TBCD: variants seen among roughly 807,000 people sequenced by gnomAD.
The protein encoded by TBCD is tubulin-specific chaperone D.
TBCD carries 105 observed loss-of-function variants against 169.3 expected under a neutral mutation model. The ratio of observed to expected loss-of-function variants is 0.62; its 90% CI spans 0.53 to 0.73. The LOEUF (loss-of-function observed/expected upper bound fraction) is 0.73. Among genes scored for constraint, TBCD ranks in the 30% least tolerant of loss-of-function variants. The pLI is 0.00. For synonymous variants in TBCD, 700 were observed against 643.9 expected (o/e 1.09, Z -1.32); for missense variants, 1,444 against 1,600.1 (o/e 0.90, Z 1.66).
chr17:82,898,739 G>A lies in TBCD; in HGVS notation c.1650-1912G>A, dbSNP rs150493600. On this transcript the variant is annotated intron_variant, in intron 17 of 38. Coordinates refer to ENST00000355528, the MANE Select transcript of TBCD (RefSeq NM_005993.5). ...GGATCGATTTCTTCTGTGGCTCTGG[G>A]TTTCGAGTCATAATTAGAAAGGCAT... Among the ~76,000 whole-genome samples, 210 of 152,288 alleles carry A rather than the reference G, an allele frequency of 1.4e-3. No individual in the cohort carries two copies. In the Middle Eastern group the frequency reaches 0.024, roughly 17 times the overall value.
chr17:82,896,200 C>T (rs1447114132), intron 17 of TBCD, among the ~76,000 whole-genome samples: 1 of 152,168 alleles, frequency 6.6e-6, no homozygotes, highest in Non-Finnish European at 1.5e-5. Flanking sequence ...GCACTCTCCT[C>T]ACTCACACTG....
intron 6 of TBCD, among the ~76,000 whole-genome samples, chr17:82,777,921 G>A (rs1368404044): frequency 6.6e-6 from 1 of 152,158 alleles, no homozygotes. Context: ...GCTAGACCAC[G>A]GTCCGCTTGT....
chr17:82,779,733 G>A (rs1019292366), intron 6 of TBCD, among the ~76,000 whole-genome samples: 2 of 152,246 alleles, frequency 1.3e-5, no homozygotes, highest in Non-Finnish European at 2.9e-5. Flanking sequence ...GGCCGGGAAG[G>A]TGGGATGGCC....
Position 82,942,358 on chromosome 17 carries a change from C to G in TBCD, c.3565-91C>G, listed in dbSNP as rs374852518. 6.3e-6 allele frequency: 10 copies of G among 1,582,804 alleles called. No homozygotes were observed. The African/African-American group carries it at 1.2e-4, about 19-fold the overall frequency. On this transcript the variant is annotated intron_variant, in intron 38 of 38. Coordinates refer to ENST00000355528, the MANE Select transcript of TBCD (RefSeq NM_005993.5). ...TTTCCTGCAGGAACCGTGTCAGTCC[C>G]CACACAGGGCCCAGAGGGGTGAGGG... is the stretch of plus-strand genomic sequence containing the variant.
At chr17:82,771,770 G>A in intron 5 of TBCD, among the ~76,000 whole-genome samples, 1 of 152,070 alleles carries the variant, frequency 6.6e-6, no homozygotes. Context: ...GACAGAGCGA[G>A]ACCCGGTCTC....
chr17:82,941,566 T>C, intron 38 of TBCD, 83 bp downstream of exon 38: 2 of 1,278,142 alleles, frequency 1.6e-6, no homozygotes, highest in Non-Finnish European at 2.2e-6. Flanking sequence ...TGTGCTTAGC[T>C]TCTGCCAGCA....
intron 14 of TBCD, among the ~76,000 whole-genome samples, chr17:82,876,024 G>A (rs1020578643): frequency 1.3e-5 from 2 of 152,152 alleles, no homozygotes; most frequent in African/African-American, 2.4e-5. Context: ...TTTTTTAAAT[G>A]TCTGACTTTC....
At chr17:82,758,833 G>A (rs1005253177) in intron 2 of TBCD, among the ~76,000 whole-genome samples, 1 of 150,882 alleles carries the variant, frequency 6.6e-6, no homozygotes, top group Admixed American at 6.6e-5. Context: ...CTAATTTTTT[G>A]CATTTTTAGT....
intron 7 of TBCD, among the ~76,000 whole-genome samples, chr17:82,791,180 C>G (rs1183430350): frequency 6.6e-6 from 1 of 151,494 alleles, no homozygotes; most frequent in Non-Finnish European, 1.5e-5. Context: ...CAAGCTCCGC[C>G]TCCCGGGTTC....
intron 26 of TBCD, among the ~76,000 whole-genome samples, chr17:82,924,229 C>T (rs1466941481): frequency 2.0e-5 from 3 of 152,208 alleles, no homozygotes; most frequent in Admixed American, 1.3e-4. Flanking sequence ...TCTGGGATTA[C>T]AGGTGTGAGC....
At chr17:82,868,558 A>T (rs968721159) in intron 13 of TBCD, among the ~76,000 whole-genome samples, 7 of 152,218 alleles carry the variant, frequency 4.6e-5, no homozygotes, top group Admixed American at 4.6e-4. Context: ...TAAGTGTATA[A>T]ACGTAATAAT....
intron 35 of TBCD, 85 bp from the exon 36 acceptor site, chr17:82,937,964 C>T (rs754576516): frequency 1.3e-5 from 21 of 1,574,962 alleles, no homozygotes; most frequent in Non-Finnish European, 1.8e-5. Context: ...GCCCAGGTCT[C>T]TGCATGGGCC....
chr17:82,763,885 A>T, intron 2 of TBCD, 80 bp from the exon 3 acceptor site: 2 of 1,203,410 alleles, frequency 1.7e-6, no homozygotes, highest in East Asian at 2.4e-5. Flanking sequence ...GAAAACAGGC[A>T]TGAGCCACCA....
intron 7 of TBCD, among the ~76,000 whole-genome samples, chr17:82,791,815 C>T (rs1000676343): frequency 1.3e-5 from 2 of 152,154 alleles, no homozygotes; most frequent in African/African-American, 4.8e-5. Context: ...GTCGTGTGAA[C>T]ACCGTAGCGT....
intron 1 of TBCD, among the ~76,000 whole-genome samples, chr17:82,755,700 A>AG (rs1304956929): frequency 6.6e-6 from 1 of 152,084 alleles, no homozygotes; most frequent in Non-Finnish European, 1.5e-5. Context: ...GGCCAAGAGG[A>AG]GGGGTCTGTT....
At chr17:82,842,979 A>G (rs901934960) in intron 13 of TBCD, among the ~76,000 whole-genome samples, 2 of 151,402 alleles carry the variant, frequency 1.3e-5, no homozygotes, top group African/African-American at 4.9e-5. Context: ...ACGGGGTTTC[A>G]CCGTGTTAGC....
At chr17:82,856,091 G>A (rs1013690242) in intron 13 of TBCD, among the ~76,000 whole-genome samples, 9 of 135,262 alleles carry the variant, frequency 6.7e-5, no homozygotes, top group Admixed American at 8.4e-5. Context: ...TCTCATCTTG[G>A]CCTCCCAAAG....
rs2059078944 is a variant in TBCD, at chr17:82,890,787, AAG to A, written c.1563+1094_1563+1095del. On this transcript the variant is annotated intron_variant, in intron 16 of 38. Transcript: ENST00000355528. This position sits in a 1 kb window ranked among gnomAD's most constrained non-coding sequence, Gnocchi z 5.3. The stretch of plus-strand genomic sequence containing the variant: ...CCCTGGTCGGAGCCAGTTCACTAGG[AAG>A]AGACACCAGCCTTGCAAGGGGAGCC... 6.6e-6 allele frequency among the ~76,000 whole-genome samples: 1 copy of A among 152,130 alleles called. No homozygotes were observed. The highest frequency in any genetic ancestry group is 1.5e-5 in the Non-Finnish European group (1 of 68,016).
intron 3 of TBCD, among the ~76,000 whole-genome samples, chr17:82,765,440 G>T (rs573788600): frequency 6.6e-6 from 1 of 152,146 alleles, no homozygotes; most frequent in African/African-American, 2.4e-5. Context: ...CAAGCTTGCG[G>T]GTGTCTGTGT....
Sources: gnomAD v4.1 joint callset for allele counts (sites outside exome capture counted in the v4.1 genomes callset) on GRCh38, gnomAD v4.1.1 for gene constraint, Gnocchi (gnomAD v3.1) non-coding constraint, MANE v1.5 for transcripts, NCBI Gene and HGNC (gene_info 2026-07-23, HGNC 2026-07-21) for gene names.